NCLN: variants seen among roughly 807,000 people sequenced by gnomAD.
The protein encoded by NCLN is BOS complex subunit NCLN.
Under a neutral mutation model 69.5 loss-of-function variants are expected in NCLN, and 34 were observed. The ratio of observed to expected loss-of-function variants is 0.49; its 90% CI spans 0.37 to 0.65. The LOEUF (loss-of-function observed/expected upper bound fraction) is 0.65. Ranked by LOEUF, NCLN falls within the 30% of genes least tolerant of loss-of-function variation. The probability of loss-of-function intolerance (pLI) is 0.00; values close to 1 mark genes in which losing one functional copy is unlikely to be tolerated. For synonymous variants in NCLN, 393 were observed against 358.3 expected (o/e 1.10, Z -1.09); for missense variants, 710 against 804.8 (o/e 0.88, Z 1.42).
chr19:3,204,929 CT>C (rs1240111158), intron 9 of NCLN, among the ~76,000 whole-genome samples, 178 bp downstream of exon 9: 1 of 152,204 alleles, frequency 6.6e-6, no homozygotes, highest in Non-Finnish European at 1.5e-5. Flanking sequence ...CAAGCTCTTC[CT>C]TACTGGGGCT....
intron 1 of NCLN, among the ~76,000 whole-genome samples, chr19:3,191,185 G>C (rs35403037): frequency 6.6e-6 from 1 of 152,090 alleles, no homozygotes; most frequent in Non-Finnish European, 1.5e-5. Flanking sequence ...GTGCAGCTCA[G>C]GTGTGCGGAG....
Position 3,186,180 on chromosome 19 carries a change from C to T in NCLN, c.150C>T (p.Arg50=), listed in dbSNP as rs1365464244. The change falls in exon 1 of 15, where the codon CGC becomes CGT. Residue 50 remains arginine, a synonymous_variant. Transcript: ENST00000246117. ...CCGCGCACGAGTTCACCGTGTACCGCATGCAGCAGTACGACCTGCAGGGCC... is the reference window on the plus strand; with the variant it reads ...CCGCGCACGAGTTCACCGTGTACCGTATGCAGCAGTACGACCTGCAGGGCC... ...ADAAHEFTVY[R]MQQYDLQGQP... 5 of 1,587,236 alleles carry T rather than the reference C, an allele frequency of 3.2e-6. No homozygotes were observed. The highest frequency in any genetic ancestry group is 1.4e-5 in the African/African-American group (1 of 71,670).
In NCLN at chr19:3,186,078, T is replaced by A; in HGVS notation, c.48T>A (p.Ser16=). 6.3e-7 allele frequency: 1 copy of A among 1,599,070 alleles called. No homozygotes were observed. Among genetic ancestry groups the A allele is most frequent in the Non-Finnish European group, 8.5e-7 (1 of 1,174,744 alleles). The change falls in exon 1 of 15, where the codon TCT becomes TCA. Residue 16 remains serine (S), a synonymous_variant. Transcript: ENST00000246117. ...TGCTGGAGAACATGCTGAAGGCGTC[T>A]TGTCTGCCGCTCGGCTTCATCGTCT... ...GEVLENMLKA[S]CLPLGFIVFL...
intron 1 of NCLN, among the ~76,000 whole-genome samples, chr19:3,191,733 C>T (rs1004765539): frequency 6.6e-6 from 1 of 152,348 alleles, no homozygotes; most frequent in African/African-American, 2.4e-5. Context: ...CTGCACTCAC[C>T]CTGCCTGCAG....
intron 6 of NCLN, among the ~76,000 whole-genome samples, chr19:3,202,572 G>T (rs1277018315): frequency 6.6e-6 from 1 of 152,190 alleles, no homozygotes; most frequent in Non-Finnish European, 1.5e-5. Context: ...GCTCAGAGAG[G>T]CCAGGGCCAC....
intron 6 of NCLN, 138 bp downstream of exon 6, chr19:3,201,764 C>A: frequency 1.4e-6 from 1 of 706,438 alleles, no homozygotes; most frequent in South Asian, 1.9e-5. Context: ...ATTGGGGCGC[C>A]TTATTTATCG....
At chr19:3,202,074 C>A (rs1599357123) in intron 6 of NCLN, among the ~76,000 whole-genome samples, 1 of 152,152 alleles carries the variant, frequency 6.6e-6, no homozygotes, top group East Asian at 1.9e-4. Flanking sequence ...CACCCACTGT[C>A]CGCTGGGGGC....
intron 12 of NCLN, 89 bp downstream of exon 12, chr19:3,206,514 G>T (rs1172732529): frequency 1.4e-6 from 2 of 1,428,080 alleles, no homozygotes; most frequent in East Asian, 2.5e-5. Context: ...CACCCCTGGG[G>T]GATGCCAGGT....
rs776166210 is a variant in NCLN, at chr19:3,192,533, G to C, written c.248G>C (p.Arg83Pro). ...ATGGCGGCGGAGGTGCTGAGCCGCC[G>C]CTGCGTGCTCATGCGGCTACTGGAC... ...RTMAAEVLSRRCVLMRLLDFS... is the reference protein window; with the variant it reads ...RTMAAEVLSRPCVLMRLLDFS... The change falls in exon 2 of 15, where the codon CGC (arginine) becomes CCC (proline). Residue 83 changes from arginine to proline, a missense_variant. Physicochemically the swap from Arg to Pro is moderately radical, Grantham distance 103. Transcript: ENST00000246117. 2 of 1,609,182 alleles carry C rather than the reference G, an allele frequency of 1.2e-6. No homozygotes were observed. Among genetic ancestry groups the C allele is most frequent in the Non-Finnish European group, 1.7e-6 (2 of 1,178,536 alleles).
In NCLN at chr19:3,207,419, C is replaced by T. The variant is rs1916299375; in HGVS notation, c.1582C>T (p.Leu528=). 2 of 1,613,138 alleles carry T rather than the reference C, an allele frequency of 1.2e-6. No homozygotes were observed. Among genetic ancestry groups the T allele is most frequent in the Non-Finnish European group, 8.5e-7 (1 of 1,180,024 alleles). The change falls in exon 14 of 15, where the codon CTG becomes TTG. Residue 528 remains leucine (L), a synonymous_variant. Coordinates refer to ENST00000246117, the MANE Select transcript of NCLN (RefSeq NM_020170.4). ...RVKPAVFDLL[L]AVGIAAYLGM... is the part of the protein sequence containing the mutation. ...CAAGCCGGCCGTCTTTGACCTGCTC[C>T]TGGCTGTTGGCATTGCTGCCTACCT...
At chr19:3,186,642 GCTCCCAGGGTCCTGTTCTGGAGACCAT>G (rs1043535464) in intron 1 of NCLN, among the ~76,000 whole-genome samples, 3 of 152,212 alleles carry the variant, frequency 2.0e-5, no homozygotes, top group Non-Finnish European at 4.4e-5. Flanking sequence ...CTGACCTCCA[GCTCCCAGGGTCCTGTTCTGGAGACCAT>G]CTGGTTGGTC....
At chr19:3,186,323 A>C in intron 1 of NCLN, 109 bp downstream of exon 1, 5 of 1,220,696 alleles carry the variant, frequency 4.1e-6, no homozygotes, top group Non-Finnish European at 4.3e-6. Context: ...TGCCCGACCC[A>C]TGCTCAGGCC....
At chr19:3,194,004 G>A (rs1367695993) in intron 3 of NCLN, among the ~76,000 whole-genome samples, 7 of 152,220 alleles carry the variant, frequency 4.6e-5, no homozygotes, top group African/African-American at 7.2e-5. Context: ...GGGCTTGCCC[G>A]GGGCTGTCAT....
intron 3 of NCLN, 58 bp from the exon 4 acceptor site, chr19:3,196,125 G>GC: frequency 7.6e-7 from 1 of 1,321,304 alleles, no homozygotes; most frequent in Non-Finnish European, 1.0e-6. Flanking sequence ...TGCTGGGGAT[G>GC]CCCCCTGGCT....
chr19:3,191,210 C>G (rs751175128), intron 1 of NCLN, among the ~76,000 whole-genome samples: 8 of 152,058 alleles, frequency 5.3e-5, no homozygotes, highest in Non-Finnish European at 8.8e-5. Context: ...GACCCCTGAG[C>G]TGCGTCTTGT....
chr19:3,204,886 T>C lies in NCLN; in HGVS notation c.1208+135T>C. The C allele has an allele frequency of 4.0e-6, 4 of 997,306 alleles. No individual in the cohort carries two copies. The South Asian group carries it at 1.0e-4, about 25-fold the overall frequency. The allele number at this position is 997,306 out of a possible 1,614,324, so 61.8% of individuals were successfully genotyped here. ...AGGCTGCGAGGAAGGGGCCGGTGCG[T>C]GGCCAAGGCCGGCTGCACGGTCAGG... On this transcript the variant is annotated intron_variant, in intron 9 of 14. Transcript: ENST00000246117.
chr19:3,189,232 T>C (rs1326097501), intron 1 of NCLN, among the ~76,000 whole-genome samples: 2 of 152,168 alleles, frequency 1.3e-5, no homozygotes, highest in African/African-American at 4.8e-5. Flanking sequence ...GTGGGGCTCG[T>C]TGAGCTTATG....
intron 5 of NCLN, among the ~76,000 whole-genome samples, chr19:3,200,568 C>T (rs1474706995): frequency 6.6e-6 from 1 of 151,936 alleles, no homozygotes; most frequent in Non-Finnish European, 1.5e-5. Context: ...TCTTGGCCTC[C>T]CAAAGTGCTG....
At chr19:3,198,939 G>A in intron 5 of NCLN, 42 bp downstream of exon 5, 2 of 1,359,762 alleles carry the variant, frequency 1.5e-6, no homozygotes, top group South Asian at 3.3e-5. Context: ...CACAGGGCTT[G>A]GATTCTGGCT....
Sources: allele counts gnomAD v4.1 joint callset (sites outside exome capture counted in the v4.1 genomes callset), GRCh38; gene constraint gnomAD v4.1.1; transcripts MANE v1.5; gene names NCBI Gene and HGNC (gene_info 2026-07-23, HGNC 2026-07-21).